SMG6: variants seen among roughly 807,000 people sequenced by gnomAD.
The protein encoded by SMG6 is telomerase-binding protein EST1A.
In SMG6, 66 loss-of-function variants were observed where a neutral mutation model predicts 142.2. The ratio of observed to expected loss-of-function variants is 0.46; its 90% CI spans 0.38 to 0.57. The LOEUF is 0.57. Ranked by LOEUF, SMG6 falls within the 20% of genes least tolerant of loss-of-function variation. The probability of loss-of-function intolerance (pLI) is 0.00; values close to 1 mark genes in which losing one functional copy is unlikely to be tolerated. For synonymous variants in SMG6, 779 were observed against 702.4 expected, an observed-to-expected ratio of 1.11 and a Z score of -1.72; for missense variants, 1,793 against 1,832.0, an observed-to-expected ratio of 0.98 and a Z score of 0.39.
At chr17:2,259,115 C>G (rs2074257609) in intron 8 of SMG6, among the ~76,000 whole-genome samples, 1 of 151,656 alleles carries the variant, frequency 6.6e-6, no homozygotes, top group East Asian at 1.9e-4. Context: ...TTCAGCAGAA[C>G]CGAGACAGAC....
At chr17:2,265,193 C>T (rs906509115) in intron 8 of SMG6, among the ~76,000 whole-genome samples, 1 of 152,126 alleles carries the variant, frequency 6.6e-6, no homozygotes, top group African/African-American at 2.4e-5. Context: ...GAGCCAGGAA[C>T]GCTAAACATC....
chr17:2,223,339 A>G (rs1325345384), intron 10 of SMG6, among the ~76,000 whole-genome samples: 1 of 152,218 alleles, frequency 6.6e-6, no homozygotes, highest in Non-Finnish European at 1.5e-5. Flanking sequence ...TCACACGCGC[A>G]TATTTTCTGA....
intron 10 of SMG6, chr17:2,216,078 A>G (rs1241500478): frequency 6.6e-6 from 1 of 152,100 alleles, no homozygotes; most frequent in East Asian, 1.9e-4. Context: ...CACTTCCGCT[A>G]CACTTTCTTT....
chr17:2,302,137 C>A (rs937710871), intron 1 of SMG6, among the ~76,000 whole-genome samples: 1 of 152,080 alleles, frequency 6.6e-6, no homozygotes, highest in Non-Finnish European at 1.5e-5. Flanking sequence ...TCTGTAATTC[C>A]AGCTACTCGG....
intron 13 of SMG6, among the ~76,000 whole-genome samples, chr17:2,160,784 T>G (rs1016778401): frequency 6.6e-6 from 1 of 152,066 alleles, no homozygotes; most frequent in African/African-American, 2.4e-5. Flanking sequence ...TGAGCCATGA[T>G]TGTATCACTG....
chr17:2,300,576 T>C lies in SMG6; in HGVS notation c.177A>G (p.Leu59=). Residue 59 remains leucine (L), a synonymous_variant, in exon 2 of 19, where the codon CTA becomes CTG. Coordinates refer to ENST00000263073, the MANE Select transcript of SMG6 (RefSeq NM_017575.5). The stretch of plus-strand genomic sequence containing the variant: ...GTTCCTTGATTTTGGGCTTGTTCCT[T>C]AGCCGAGAAAGGCCAGGCTTATAGA... The part of the protein sequence containing the change: ...LEIYKPGLSR[L]RNKPKIKEPP... 1 of 1,614,074 alleles carries C rather than the reference T, an allele frequency of 6.2e-7. No homozygotes were observed. The highest frequency in any genetic ancestry group is 2.2e-5 in the East Asian group (1 of 44,884).
chr17:2,273,482 A>C (rs955085625), intron 8 of SMG6, among the ~76,000 whole-genome samples: 4 of 152,148 alleles, frequency 2.6e-5, no homozygotes, highest in African/African-American at 9.7e-5. Flanking sequence ...AAAATACACA[A>C]ATTAGCCAGG....
At chr17:2,236,437 C>A (rs936172911) in intron 10 of SMG6, 55 bp downstream of exon 10, 1 of 1,550,218 alleles carries the variant, frequency 6.5e-7, no homozygotes, top group Non-Finnish European at 8.8e-7. Context: ...AAGAAAGAAG[C>A]TACATTAATC....
intron 13 of SMG6, chr17:2,127,845 T>G: frequency 3.6e-6 from 2 of 553,336 alleles, no homozygotes; most frequent in Non-Finnish European, 3.6e-6. Flanking sequence ...GAGACATTAT[T>G]TGCTGAAGAG....
At chr17:2,236,469 T>A (rs2073656641) in intron 10 of SMG6, 23 bp downstream of exon 10, 1 of 1,606,502 alleles carries the variant, frequency 6.2e-7, no homozygotes, top group Non-Finnish European at 8.5e-7. Context: ...ATATTCTAGA[T>A]GAAGAAACTA....
At chr17:2,131,176 T>C (rs1432856740) in intron 13 of SMG6, among the ~76,000 whole-genome samples, 3 of 152,230 alleles carry the variant, frequency 2.0e-5, no homozygotes, top group Admixed American at 1.3e-4. Context: ...TAAAATTTTA[T>C]TATGGAAAAT....
intron 10 of SMG6, among the ~76,000 whole-genome samples, chr17:2,230,871 T>C (rs1412644142): frequency 6.6e-6 from 1 of 152,188 alleles, no homozygotes; most frequent in Non-Finnish European, 1.5e-5. Context: ...GCTGGCTCTG[T>C]TCATTTTCTC....
At chr17:2,229,333 G>T (rs1354116648) in intron 10 of SMG6, 1 of 152,218 alleles carries the variant, frequency 6.6e-6, no homozygotes, top group Non-Finnish European at 1.5e-5. Context: ...CTTTACTCCT[G>T]TTCCTCTTCC....
chr17:2,249,376 G>A (rs1426695786), intron 8 of SMG6, among the ~76,000 whole-genome samples: 1 of 152,186 alleles, frequency 6.6e-6, no homozygotes, highest in African/African-American at 2.4e-5. Flanking sequence ...GCTCACTGCA[G>A]CCTCTGACTC....
At chr17:2,219,815 AAAAAAAGAAAAG>A (rs1331967214) in intron 10 of SMG6, among the ~76,000 whole-genome samples, 1 of 151,832 alleles carries the variant, frequency 6.6e-6, no homozygotes, top group Admixed American at 6.6e-5. Context: ...AAAAAAAAAA[AAAAAAAGAAAAG>A]AAAAAGAAAA....
At chr17:2,170,120 G>C (rs2071458081) in intron 13 of SMG6, among the ~76,000 whole-genome samples, 1 of 152,158 alleles carries the variant, frequency 6.6e-6, no homozygotes, top group Non-Finnish European at 1.5e-5. Context: ...GGTGGGGCAG[G>C]ATTCAGGAGT....
intron 8 of SMG6, among the ~76,000 whole-genome samples, chr17:2,275,590 G>C (rs2074631583): frequency 6.6e-6 from 1 of 152,120 alleles, no homozygotes; most frequent in Non-Finnish European, 1.5e-5. Flanking sequence ...AGAGACCCTT[G>C]CTTTTCAGTG....
At chr17:2,158,520 T>G (rs1471059742) in intron 13 of SMG6, among the ~76,000 whole-genome samples, 1 of 152,154 alleles carries the variant, frequency 6.6e-6, no homozygotes, top group African/African-American at 2.4e-5. Flanking sequence ...TCACAAAAAA[T>G]AGCCCACGAA....
In SMG6 at chr17:2,085,613, A is replaced by G. The variant is rs2068539010; in HGVS notation, c.3534+112T>C. The G allele has an allele frequency of 1.8e-6, 2 of 1,129,276 alleles. No homozygotes were observed. The highest frequency in any genetic ancestry group is 2.5e-6 in the Non-Finnish European group (2 of 784,562). The allele number at this position is 1,129,276 out of a possible 1,614,324, so 70.0% of individuals were successfully genotyped here. On this transcript the variant is annotated intron_variant, in intron 14 of 18. Coordinates refer to ENST00000263073, the MANE Select transcript of SMG6 (RefSeq NM_017575.5). This position sits in a 1 kb window ranked among gnomAD's most constrained non-coding sequence, Gnocchi z 4.1. ...CTCGAGAAGCTGGCTGGTCACATTA[A>G]CACAGACGCTGTTCTCTGTGCTCAT...
Sources: allele counts gnomAD v4.1 joint callset (sites outside exome capture counted in the v4.1 genomes callset), GRCh38; gene constraint gnomAD v4.1.1; non-coding constraint Gnocchi (gnomAD v3.1); transcripts MANE v1.5; gene names NCBI Gene and HGNC (gene_info 2026-07-23, HGNC 2026-07-21).